The following ZNF385D variants were observed in gnomAD, a reference collection of about 807,000 sequenced individuals.
ZNF385D encodes the protein zinc finger protein 659.
In ZNF385D, 15 loss-of-function variants were observed where a neutral mutation model predicts 35.8. That is an observed-to-expected ratio of 0.42 (90% CI 0.28 to 0.64). The LOEUF (loss-of-function observed/expected upper bound fraction) is 0.64, where lower values mean the gene tolerates loss of function less well. Among genes scored for constraint, ZNF385D ranks in the 30% least tolerant of loss-of-function variants. The pLI is 0.23. For synonymous variants in ZNF385D, 212 were observed against 186.8 expected, an observed-to-expected ratio of 1.13 and a Z score of -1.10; for missense variants, 474 against 494.6, an observed-to-expected ratio of 0.96 and a Z score of 0.39.
intron 6 of ZNF385D, among the ~76,000 whole-genome samples, chr3:21,424,701 T>TC (rs1405114788): frequency 6.6e-6 from 1 of 151,262 alleles, no homozygotes; most frequent in Non-Finnish European, 1.5e-5. Context: ...TTTTTTTTTT[T>TC]TTTTGAAAAA....
At chr3:21,900,213 G>A (rs756432650) in intron 3 of ZNF385D, among the ~76,000 whole-genome samples, 2 of 152,156 alleles carry the variant, frequency 1.3e-5, no homozygotes, top group Non-Finnish European at 2.9e-5. Context: ...AACATTGAAT[G>A]TTGGCAATTT....
At chr3:22,112,466 C>T (rs559490892) in intron 3 of ZNF385D, among the ~76,000 whole-genome samples, 71 of 152,148 alleles carry the variant, frequency 4.7e-4, no homozygotes, top group Non-Finnish European at 7.6e-4. Context: ...ATTACCAAAT[C>T]GTACCAGTAA....
intron 3 of ZNF385D, among the ~76,000 whole-genome samples, chr3:22,150,844 AT>A (rs1205092095): frequency 6.6e-6 from 1 of 152,122 alleles, no homozygotes; most frequent in Non-Finnish European, 1.5e-5. Flanking sequence ...TAGAGTGCAT[AT>A]AAGGGTGGGT....
intron 3 of ZNF385D, among the ~76,000 whole-genome samples, chr3:21,850,650 T>C (rs140339241): frequency 6.6e-6 from 1 of 152,152 alleles, no homozygotes; most frequent in African/African-American, 2.4e-5. Context: ...GAGCTAAAAG[T>C]TAGAAATTGA....
At chr3:22,296,684 C>A (rs1332021409) in intron 2 of ZNF385D, among the ~76,000 whole-genome samples, 3 of 152,106 alleles carry the variant, frequency 2.0e-5, no homozygotes, top group Admixed American at 2.0e-4. Context: ...TTGCTGAATG[C>A]TGAATTCCTT....
chr3:21,817,720 G>A (rs1204365501), intron 3 of ZNF385D, among the ~76,000 whole-genome samples: 2 of 152,220 alleles, frequency 1.3e-5, no homozygotes, highest in African/African-American at 2.4e-5. Flanking sequence ...CTTTTACACT[G>A]TTGGTGGGAC....
intron 3 of ZNF385D, among the ~76,000 whole-genome samples, chr3:21,828,999 A>G (rs1694828157): frequency 6.6e-6 from 1 of 152,124 alleles, no homozygotes; most frequent in Non-Finnish European, 1.5e-5. Flanking sequence ...GCCCATCTGG[A>G]TAATCCAGAA....
At chr3:22,094,332 T>G (rs1701485947) in intron 3 of ZNF385D, among the ~76,000 whole-genome samples, 1 of 107,564 alleles carries the variant, frequency 9.3e-6, no homozygotes, top group African/African-American at 3.1e-5. Context: ...TACCCTTTTT[T>G]TTCTTTCAGA....
At chr3:21,851,899 T>G (rs1696408364) in intron 3 of ZNF385D, among the ~76,000 whole-genome samples, 1 of 152,012 alleles carries the variant, frequency 6.6e-6, no homozygotes, top group Non-Finnish European at 1.5e-5. Flanking sequence ...TCCTGGTTGC[T>G]CAACCTAACA....
intron 2 of ZNF385D, among the ~76,000 whole-genome samples, chr3:21,587,677 T>C (rs978189182): frequency 2.0e-5 from 3 of 152,160 alleles, no homozygotes; most frequent in Non-Finnish European, 2.9e-5. Flanking sequence ...AGGTTAAATA[T>C]AAGAATTATT....
chr3:22,100,942 G>A (rs1024770594), intron 3 of ZNF385D, among the ~76,000 whole-genome samples: 2 of 151,968 alleles, frequency 1.3e-5, no homozygotes, highest in African/African-American at 2.4e-5. Flanking sequence ...AATAGTAAAT[G>A]TGAAGTCAGG....
At chr3:21,964,414 A>T (rs1702767833) in intron 3 of ZNF385D, among the ~76,000 whole-genome samples, 1 of 74,596 alleles carries the variant, frequency 1.3e-5, no homozygotes, top group Non-Finnish European at 2.2e-5. Flanking sequence ...CCTTTTTGTA[A>T]AAAAAAAAAA....
chr3:21,936,422 T>C (rs1174442032), intron 3 of ZNF385D, among the ~76,000 whole-genome samples: 1 of 152,116 alleles, frequency 6.6e-6, no homozygotes, highest in East Asian at 1.9e-4. Context: ...TCAGCATTGT[T>C]CTGTGCAAAG....
chr3:21,781,968 T>C (rs1242770309), intron 3 of ZNF385D, among the ~76,000 whole-genome samples: 3 of 152,054 alleles, frequency 2.0e-5, no homozygotes, highest in Non-Finnish European at 4.4e-5. Flanking sequence ...AAAAATGGCC[T>C]CTATGAATCA....
rs117247498 is a variant in ZNF385D at position 21,432,021 on chromosome 3, T to C, written c.673+4949A>G. On this transcript the variant is annotated intron_variant, in intron 5 of 7. Transcript: ENST00000281523. Reference sequence around the variant, plus strand: ...AATTAACTGGGGTATTAGATATCAATACAGATTGATGAACAAATACAACTT... The same window carrying C: ...AATTAACTGGGGTATTAGATATCAACACAGATTGATGAACAAATACAACTT... Among the ~76,000 whole-genome samples the C allele has an allele frequency of 1.5e-3, 222 of 152,256 alleles. 2 individuals are homozygous for C. The East Asian group carries it at 0.039, about 27-fold the overall frequency.
intron 2 of ZNF385D, among the ~76,000 whole-genome samples, chr3:22,365,543 C>T (rs1448020551): frequency 2.6e-5 from 4 of 151,994 alleles, no homozygotes; most frequent in Non-Finnish European, 4.4e-5. Flanking sequence ...CTTTCACAAA[C>T]ATACTGTACA....
chr3:22,343,411 C>A lies in ZNF385D; in HGVS notation c.106+29039G>T, dbSNP rs147915216. 5.8e-3 allele frequency among the ~76,000 whole-genome samples: 889 copies of A among 152,312 alleles called. 1 individual carries two copies. Among genetic ancestry groups the A allele is most frequent in the Non-Finnish European group, 8.7e-3 (595 of 68,010 alleles). ...GAACAAGTGACTTCAGTTCAGCCAG[C>A]CAGAGACCCCTACTGAGGACTTTGG... On this transcript the variant is annotated intron_variant, in intron 2 of 5. Coordinates refer to the ZNF385D transcript ENST00000494108.
At chr3:21,866,348 G>T (rs1438197879) in intron 3 of ZNF385D, among the ~76,000 whole-genome samples, 3 of 152,064 alleles carry the variant, frequency 2.0e-5, no homozygotes, top group African/African-American at 7.2e-5. Context: ...CAGCTACTTG[G>T]GAGGCTGAGG....
At chr3:22,049,244 C>A (rs1012091436) in intron 3 of ZNF385D, among the ~76,000 whole-genome samples, 1 of 150,796 alleles carries the variant, frequency 6.6e-6, no homozygotes, top group Admixed American at 6.6e-5. Flanking sequence ...TGCAGTGAGC[C>A]GAGACTGTGC....
Sources: gnomAD v4.1 joint callset for allele counts (sites outside exome capture counted in the v4.1 genomes callset) on GRCh38, gnomAD v4.1.1 for gene constraint, MANE v1.5 for transcripts, NCBI Gene and HGNC (gene_info 2026-07-23, HGNC 2026-07-21) for gene names.